Variants in ARID4A observed in about 807,000 individuals in gnomAD.
ARID4A encodes AT-rich interaction domain 4A.
Under a neutral mutation model 148.6 loss-of-function variants are expected in ARID4A, and 39 were observed. The observed-to-expected ratio is 0.26, with a 90% CI of 0.20 to 0.34. The LOEUF is 0.34. ARID4A is among the 10% of genes least tolerant of loss of function. ARID4A has a pLI of 1.00. For synonymous variants in ARID4A, 475 were observed against 481.2 expected, an observed-to-expected ratio of 0.99 and a Z score of 0.17; for missense variants, 1,265 against 1,449.1, an observed-to-expected ratio of 0.87 and a Z score of 2.06.
chr14:58,303,151 TAAA>T (rs563232561), intron 3 of ARID4A, among the ~76,000 whole-genome samples: 1 of 152,164 alleles, frequency 6.6e-6, no homozygotes, highest in Non-Finnish European at 1.5e-5. Flanking sequence ...AAGTCCTCCT[TAAA>T]AAATTTTATT....
intron 9 of ARID4A, among the ~76,000 whole-genome samples, chr14:58,328,585 A>G (rs980196432): frequency 1.3e-5 from 2 of 152,108 alleles, no homozygotes; most frequent in Non-Finnish European, 2.9e-5. Flanking sequence ...CCTTAATTGT[A>G]AAATTCTATA....
At chr14:58,315,085 C>G (rs555530825) in intron 5 of ARID4A, among the ~76,000 whole-genome samples, 57 of 152,282 alleles carry the variant, frequency 3.7e-4, no homozygotes, top group Non-Finnish European at 7.2e-4. Context: ...TGCCACTACA[C>G]TCCAGCCTGG....
At position 58,299,473 on chromosome 14, in the gene ARID4A, G is replaced by A. The variant is rs374416162; in HGVS notation, c.-57-325G>A. 1.8e-3 allele frequency: 335 copies of A among 187,350 alleles called. 3 individuals are homozygous for A. Among genetic ancestry groups the A allele is most frequent in the African/African-American group, 6.5e-3 (280 of 42,966 alleles). The allele number at this position is 187,350 out of a possible 1,614,324, so 11.6% of individuals were successfully genotyped here. On this transcript the variant is annotated intron_variant, in intron 1 of 23. Transcript: ENST00000355431. ...CGGCGGTCGTCTCCGCGGGGGACCT[G>A]GGGAAGCCCGAAGGGAGCTCTGGCC...
In ARID4A at chr14:58,365,159, G is replaced by A. The variant is rs776754052; in HGVS notation, c.3070G>A (p.Asp1024Asn). 6.2e-7 allele frequency: 1 copy of A among 1,614,094 alleles called. No individual in the cohort carries two copies. Among genetic ancestry groups the A allele is most frequent in the African/African-American group, 1.3e-5 (1 of 75,032 alleles). The change falls in exon 20 of 24, where the codon GAT becomes AAT. Residue 1024 changes from aspartate to asparagine, a missense_variant. Coordinates refer to ENST00000355431, the MANE Select transcript of ARID4A (RefSeq NM_002892.4). ...DESRSVKSESDITIEVDSIAE... is the reference protein window; with the variant it reads ...DESRSVKSESNITIEVDSIAE... ...GTCTCGAAGCGTAAAAAGTGAGAGT[G>A]ATATAACGATTGAAGTTGATAGTAT...
chr14:58,308,409 C>A (rs1452921407), intron 5 of ARID4A, among the ~76,000 whole-genome samples: 1 of 152,196 alleles, frequency 6.6e-6, no homozygotes, highest in Non-Finnish European at 1.5e-5. Flanking sequence ...GATTCTGATG[C>A]AGGTAGTTCA....
chr14:58,346,876 C>T (rs780342987), intron 13 of ARID4A, 144 bp from the exon 14 acceptor site: 30 of 397,776 alleles, frequency 7.5e-5, no homozygotes, highest in Non-Finnish European at 1.2e-4. Flanking sequence ...TGCAGTGAGC[C>T]CTGATTGCAC....
chr14:58,318,519 CTG>C (rs1216666693), intron 5 of ARID4A, 21 bp from the exon 6 acceptor site: 9 of 1,609,478 alleles, frequency 5.6e-6, no homozygotes, highest in South Asian at 3.3e-5. Context: ...CATAAATTCT[CTG>C]TTATCTTTTG....
intron 3 of ARID4A, among the ~76,000 whole-genome samples, chr14:58,303,156 A>C (rs904903802): frequency 1.3e-5 from 2 of 152,150 alleles, no homozygotes; most frequent in African/African-American, 4.8e-5. Context: ...CTCCTTAAAA[A>C]ATTTTATTTA....
intron 23 of ARID4A, 82 bp from the exon 24 acceptor site, chr14:58,371,804 G>T: frequency 9.5e-7 from 1 of 1,048,244 alleles, no homozygotes; most frequent in Non-Finnish European, 1.5e-6. Context: ...ATAATGTTAA[G>T]AATTTTATTT....
At chr14:58,347,957 A>G in intron 15 of ARID4A, 79 bp downstream of exon 15, 1 of 955,758 alleles carries the variant, frequency 1.0e-6, no homozygotes. Context: ...TATATACACA[A>G]AAGTACTACA....
chr14:58,369,668 T>C (rs1213220194), intron 23 of ARID4A, among the ~76,000 whole-genome samples: 1 of 147,068 alleles, frequency 6.8e-6, no homozygotes, highest in Admixed American at 6.8e-5. Flanking sequence ...AAGATACATA[T>C]ATAAAAAGAA....
intron 5 of ARID4A, among the ~76,000 whole-genome samples, chr14:58,313,150 T>G (rs1028494603): frequency 6.6e-6 from 1 of 152,210 alleles, no homozygotes; most frequent in Non-Finnish European, 1.5e-5. Context: ...TTAATCCCTA[T>G]TAGGATTCTC....
rs1594967389 is a variant in ARID4A at position 58,365,113 on chromosome 14, ACTTACT to A, written c.3029_3034del (p.Thr1010_Leu1011del). On this transcript the variant is annotated inframe_deletion, in exon 20 of 24. Transcript: ENST00000355431. ...AACATAACTTTTCAGTAGCTTCACC[ACTTACT>A]CTTAGTCAAGATGAGTCTCGAAGCG... is the stretch of plus-strand genomic sequence containing the variant. The A allele has an allele frequency of 1.9e-6, 3 of 1,614,132 alleles. No homozygotes were observed. Among genetic ancestry groups the A allele is most frequent in the Non-Finnish European group, 2.5e-6 (3 of 1,180,004 alleles).
intron 23 of ARID4A, among the ~76,000 whole-genome samples, chr14:58,369,582 TC>T (rs1310900216): frequency 3.2e-5 from 4 of 125,214 alleles, no homozygotes; most frequent in Non-Finnish European, 4.9e-5. Flanking sequence ...GCCAGTGCAC[TC>T]CAGCCTGGGT....
intron 11 of ARID4A, among the ~76,000 whole-genome samples, chr14:58,339,576 T>C (rs969198409): frequency 6.6e-6 from 1 of 152,112 alleles, no homozygotes; most frequent in African/African-American, 2.4e-5. Context: ...ACCTTCCTAA[T>C]GTGTATTGGA....
At chr14:58,363,158 G>A (rs2035206577) in intron 19 of ARID4A, among the ~76,000 whole-genome samples, 1 of 152,102 alleles carries the variant, frequency 6.6e-6, no homozygotes, top group Admixed American at 6.5e-5. Context: ...TCTACATTCT[G>A]TTTATGATAA....
At chr14:58,326,859 T>C (rs2033243555) in intron 8 of ARID4A, among the ~76,000 whole-genome samples, 1 of 152,222 alleles carries the variant, frequency 6.6e-6, no homozygotes, top group Non-Finnish European at 1.5e-5. Context: ...TTTCATACTA[T>C]TATGTGCCTA....
chr14:58,311,008 G>T (rs970056017), intron 5 of ARID4A, among the ~76,000 whole-genome samples: 1 of 152,178 alleles, frequency 6.6e-6, no homozygotes. Context: ...CACTTTGGGA[G>T]GCCGAGACAG....
At chr14:58,299,920 A>G in intron 2 of ARID4A, 60 bp downstream of exon 2, 3 of 1,606,568 alleles carry the variant, frequency 1.9e-6, no homozygotes, top group South Asian at 1.1e-5. Flanking sequence ...TCCTAAGGCT[A>G]GTGCCGTGGA....
Sources: gnomAD v4.1 joint callset for allele counts (sites outside exome capture counted in the v4.1 genomes callset) on GRCh38, gnomAD v4.1.1 for gene constraint, MANE v1.5 for transcripts, NCBI Gene and HGNC (gene_info 2026-07-23, HGNC 2026-07-21) for gene names.